Variants in THSD4 observed in about 807,000 individuals in gnomAD.
THSD4 encodes the protein thrombospondin type 1 domain containing 4.
In THSD4, 69 loss-of-function variants were observed where a neutral mutation model predicts 119.0. The ratio of observed to expected loss-of-function variants is 0.58; its 90% CI spans 0.48 to 0.71. THSD4 has a LOEUF of 0.71. THSD4 is among the 30% of genes least tolerant of loss of function. The pLI is 0.00. For synonymous variants in THSD4, 524 were observed against 540.4 expected, an observed-to-expected ratio of 0.97 and a Z score of 0.42; for missense variants, 1,393 against 1,391.1, an observed-to-expected ratio of 1.00 and a Z score of -0.02.
chr15:71,374,104 TTTGTCC>T (rs765492154), intron 6 of THSD4, among the ~76,000 whole-genome samples: 3 of 152,190 alleles, frequency 2.0e-5, no homozygotes, highest in Admixed American at 6.5e-5. Flanking sequence ...CTGGGTGATG[TTTGTCC>T]TCTTCCAAAG....
intron 7 of THSD4, among the ~76,000 whole-genome samples, chr15:71,540,723 G>A (rs1032582774): frequency 9.1e-6 from 1 of 110,416 alleles, no homozygotes; most frequent in African/African-American, 3.4e-5. Flanking sequence ...CACTGCACCT[G>A]GCCTCCTTTT....
chr15:71,720,034 T>TC (rs60154530), intron 8 of THSD4, among the ~76,000 whole-genome samples: 24,555 of 52,770 alleles, frequency 0.47, 4,934 homozygotes, highest in African/African-American at 0.49. Context: ...TTTTTTTTTT[T>TC]TCTTTTTTTT....
At chr15:71,133,256 G>T (rs1220812853) in intron 1 of THSD4, among the ~76,000 whole-genome samples, 1 of 152,166 alleles carries the variant, frequency 6.6e-6, no homozygotes, top group Non-Finnish European at 1.5e-5. Flanking sequence ...GTCTTTAGGA[G>T]TAGGGTGGAG....
At chr15:71,148,103 G>T (rs1007981336) in intron 2 of THSD4, among the ~76,000 whole-genome samples, 1 of 151,832 alleles carries the variant, frequency 6.6e-6, no homozygotes, top group Non-Finnish European at 1.5e-5. Context: ...CCAATTTGCA[G>T]TTAAAATATG....
intron 7 of THSD4, among the ~76,000 whole-genome samples, chr15:71,587,787 T>TTA (rs1427576422): frequency 4.7e-5 from 5 of 105,576 alleles, no homozygotes; most frequent in African/African-American, 1.1e-4. Context: ...AAAAAAAAAT[T>TTA]AAAAAAAAAA....
chr15:71,396,876 A>G (rs2046461158), intron 6 of THSD4, among the ~76,000 whole-genome samples: 1 of 152,194 alleles, frequency 6.6e-6, no homozygotes, highest in African/African-American at 2.4e-5. Flanking sequence ...ACATGAGAGA[A>G]ATAGGAAACA....
chr15:71,397,648 A>G (rs937164318), intron 6 of THSD4, among the ~76,000 whole-genome samples: 6 of 152,202 alleles, frequency 3.9e-5, no homozygotes, highest in Non-Finnish European at 7.3e-5. Flanking sequence ...TAGGGAGAGA[A>G]TATGTACTCA....
chr15:71,194,933 C>T (rs527984651), intron 3 of THSD4, among the ~76,000 whole-genome samples: 5 of 152,124 alleles, frequency 3.3e-5, no homozygotes, highest in Non-Finnish European at 7.3e-5. Flanking sequence ...ACCAGAGAAG[C>T]AGGAACAGGA....
chr15:71,162,213 C>G (rs548056820), intron 3 of THSD4, among the ~76,000 whole-genome samples: 1 of 152,042 alleles, frequency 6.6e-6, no homozygotes, highest in Non-Finnish European at 1.5e-5. Context: ...TGGATTTACC[C>G]AGACTGGTTT....
At chr15:71,475,181 T>C (rs2047639400) in intron 7 of THSD4, among the ~76,000 whole-genome samples, 1 of 152,234 alleles carries the variant, frequency 6.6e-6, no homozygotes, top group Non-Finnish European at 1.5e-5. Context: ...CAGATAGTCG[T>C]TAAGTTGAAT....
intron 7 of THSD4, among the ~76,000 whole-genome samples, chr15:71,563,676 C>T (rs1322491047): frequency 6.6e-6 from 1 of 152,188 alleles, no homozygotes; most frequent in Non-Finnish European, 1.5e-5. Flanking sequence ...ATTGTAAATA[C>T]TTAGCCTCTG....
chr15:71,725,617 G>A (rs2052817893), intron 8 of THSD4, among the ~76,000 whole-genome samples: 1 of 152,110 alleles, frequency 6.6e-6, no homozygotes. Flanking sequence ...GGATGGAATA[G>A]TGCCAAGTGC....
chr15:71,368,924 A>G (rs1389704012), intron 6 of THSD4, among the ~76,000 whole-genome samples: 9 of 152,212 alleles, frequency 5.9e-5, no homozygotes, highest in Admixed American at 2.6e-4. Flanking sequence ...GGAGCATGGA[A>G]TGTTCTTCCA....
At chr15:71,664,319 G>C (rs1248935142) in intron 8 of THSD4, among the ~76,000 whole-genome samples, 1 of 151,346 alleles carries the variant, frequency 6.6e-6, no homozygotes, top group Non-Finnish European at 1.5e-5. Context: ...TTTTTTTTTA[G>C]TTTCCTGTTG....
intron 16 of THSD4, among the ~76,000 whole-genome samples, chr15:71,770,267 G>A (rs2053796597): frequency 9.7e-6 from 1 of 103,402 alleles, no homozygotes; most frequent in East Asian, 2.7e-4. Flanking sequence ...AAAAAAAAAA[G>A]GACTTTCTCA....
rs954755581 is a variant in THSD4, at chr15:71,779,633, A to C, written c.*2259A>C. 5.3e-5 allele frequency: 8 copies of C among 152,270 alleles called. No individual in the cohort carries two copies. The highest frequency in any genetic ancestry group is 1.9e-4 in the African/African-American group (8 of 41,468). The allele number at this position is 152,270 out of a possible 1,614,324, so 9.4% of individuals were successfully genotyped here. A position where few individuals can be genotyped will look rare whatever the true frequency, so the allele number is the denominator to read the frequency against. On this transcript the variant is annotated 3_prime_UTR_variant, in exon 18 of 18. Coordinates refer to ENST00000261862, the MANE Select transcript of THSD4 (RefSeq NM_024817.3). The stretch of plus-strand genomic sequence containing the variant: ...GGGAGGTGAACACCCTGGTTCTTCC[A>C]ACTCAGGAATTCTCGTGGCTGGGCT...
At chr15:71,249,164 GTA>G (rs779072026) in intron 5 of THSD4, among the ~76,000 whole-genome samples, 26 of 151,542 alleles carry the variant, frequency 1.7e-4, no homozygotes, top group African/African-American at 2.7e-4. Context: ...ACACACATAT[GTA>G]TATATATGTA....
chr15:71,743,226 T>C (rs1293208198), intron 11 of THSD4, among the ~76,000 whole-genome samples: 39 of 152,140 alleles, frequency 2.6e-4, no homozygotes, highest in Non-Finnish European at 1.5e-5. Context: ...GCAGGACCCA[T>C]CTTCCCAAGA....
intron 3 of THSD4, among the ~76,000 whole-genome samples, chr15:71,199,691 GT>G (rs2043766330): frequency 5.8e-5 from 6 of 104,120 alleles, no homozygotes; most frequent in South Asian, 3.2e-4. Flanking sequence ...TGTGTGTGTG[GT>G]GTGTGTGGTG....
Sources: allele counts gnomAD v4.1 joint callset (sites outside exome capture counted in the v4.1 genomes callset), GRCh38; gene constraint gnomAD v4.1.1; transcripts MANE v1.5; gene names NCBI Gene and HGNC (gene_info 2026-07-23, HGNC 2026-07-21).